The following ABTB3 variants were observed in gnomAD, a reference collection of about 807,000 sequenced individuals.
ABTB3 encodes ankyrin repeat and BTB domain containing 3.
chr12:107,403,696 G>T, the ABTB3 span, among the ~76,000 whole-genome samples: 832 of 152,212 alleles, frequency 5.5e-3, 7 homozygotes, highest in African/African-American at 0.019. Flanking sequence ...AATGGTCAGG[G>T]AACACTTTGC....
At chr12:107,483,984 G>T in the ABTB3 span, among the ~76,000 whole-genome samples, 1 of 152,166 alleles carries the variant, frequency 6.6e-6, no homozygotes, top group Non-Finnish European at 1.5e-5. Flanking sequence ...GAGCCATCAT[G>T]CTCAGCCAGG....
chr12:107,327,297 C>T, the ABTB3 span, among the ~76,000 whole-genome samples: 1 of 152,162 alleles, frequency 6.6e-6, no homozygotes, highest in Non-Finnish European at 1.5e-5. Context: ...CTGTCTTTCT[C>T]TCTAAATTTA....
chr12:107,654,957 GCT>G, the ABTB3 span, among the ~76,000 whole-genome samples: 3 of 149,758 alleles, frequency 2.0e-5, no homozygotes, highest in Non-Finnish European at 3.0e-5. Context: ...AGAAGAGAGG[GCT>G]CTCTCTCTCT....
At chr12:107,379,830 C>A in the ABTB3 span, among the ~76,000 whole-genome samples, 1 of 152,166 alleles carries the variant, frequency 6.6e-6, no homozygotes, top group Non-Finnish European at 1.5e-5. Context: ...TGCCAGGAAG[C>A]CTTAGCTTTG....
At chr12:107,573,449 G>A in the ABTB3 span, among the ~76,000 whole-genome samples, 2 of 151,096 alleles carry the variant, frequency 1.3e-5, no homozygotes, top group Non-Finnish European at 2.9e-5. Flanking sequence ...TGGATGGGTG[G>A]CTGGGTGGAT....
At chr12:107,575,860 T>C in the ABTB3 span, among the ~76,000 whole-genome samples, 1 of 152,178 alleles carries the variant, frequency 6.6e-6, no homozygotes, top group Non-Finnish European at 1.5e-5. Flanking sequence ...GTGGACATCT[T>C]CGGTTAGGGG....
At chr12:107,607,614 A>G in the ABTB3 span, among the ~76,000 whole-genome samples, 11 of 152,186 alleles carry the variant, frequency 7.2e-5, no homozygotes, top group South Asian at 4.1e-4. Context: ...GTCCTGAGAC[A>G]GGTGTGCAGA....
chr12:107,584,852 T>C, the ABTB3 span, among the ~76,000 whole-genome samples: 1 of 152,182 alleles, frequency 6.6e-6, no homozygotes, highest in Admixed American at 6.5e-5. Context: ...TGATCAGGTT[T>C]ATTCAAAAAG....
At chr12:107,530,804 C>G in the ABTB3 span, among the ~76,000 whole-genome samples, 1 of 152,084 alleles carries the variant, frequency 6.6e-6, no homozygotes, top group Non-Finnish European at 1.5e-5. Flanking sequence ...GGGTGCAAAT[C>G]CTTGTGCATG....
the ABTB3 span, among the ~76,000 whole-genome samples, chr12:107,601,858 G>A: frequency 6.6e-6 from 1 of 152,224 alleles, no homozygotes; most frequent in Admixed American, 6.5e-5. Context: ...AATAAAGCAT[G>A]TTAAATAAGA....
chr12:107,535,754 A>C, the ABTB3 span, among the ~76,000 whole-genome samples: 181 of 152,310 alleles, frequency 1.2e-3, no homozygotes, highest in African/African-American at 4.1e-3. Flanking sequence ...CTGATGAAAG[A>C]ATTGAACACA....
At chr12:107,541,038 T>G in the ABTB3 span, among the ~76,000 whole-genome samples, 4 of 152,140 alleles carry the variant, frequency 2.6e-5, no homozygotes, top group Middle Eastern at 3.2e-3. Flanking sequence ...AGAAGGACTT[T>G]AGGGCTGCAT....
At chr12:107,594,113 T>TC in the ABTB3 span, among the ~76,000 whole-genome samples, 1 of 152,208 alleles carries the variant, frequency 6.6e-6, no homozygotes, top group Non-Finnish European at 1.5e-5. Flanking sequence ...TAGAGGTGAC[T>TC]CCTTCTCTGG....
the ABTB3 span, among the ~76,000 whole-genome samples, chr12:107,327,719 C>A: frequency 6.6e-6 from 1 of 152,172 alleles, no homozygotes; most frequent in Non-Finnish European, 1.5e-5. Context: ...GACTTCTAAG[C>A]CAATGTCACA....
the ABTB3 span, among the ~76,000 whole-genome samples, chr12:107,527,005 A>C: frequency 6.6e-6 from 1 of 151,884 alleles, no homozygotes; most frequent in Non-Finnish European, 1.5e-5. Flanking sequence ...AGGCCTTTGC[A>C]CCTGCTGCTC....
the ABTB3 span, among the ~76,000 whole-genome samples, chr12:107,441,155 G>T: frequency 6.6e-6 from 1 of 152,138 alleles, no homozygotes. Context: ...GTGGCCACAC[G>T]CACGCACATA....
At chr12:107,352,149 G>C in the ABTB3 span, among the ~76,000 whole-genome samples, 1 of 152,206 alleles carries the variant, frequency 6.6e-6, no homozygotes, top group Non-Finnish European at 1.5e-5. Context: ...ATGACACTGG[G>C]TGAAGAGGGC....
chr12:107,469,932 C>T, the ABTB3 span, among the ~76,000 whole-genome samples: 411 of 78,764 alleles, frequency 5.2e-3, 16 homozygotes, highest in East Asian at 0.017. Flanking sequence ...CTCTCTCTCT[C>T]TCTTTCTTTC....
At chr12:107,472,819 G>A in the ABTB3 span, among the ~76,000 whole-genome samples, 1 of 152,294 alleles carries the variant, frequency 6.6e-6, no homozygotes, top group Non-Finnish European at 1.5e-5. Context: ...ACAGATTTAA[G>A]CATTGAGGGT....
Sources: allele counts gnomAD v4.1 joint callset (sites outside exome capture counted in the v4.1 genomes callset), GRCh38; gene constraint gnomAD v4.1.1; transcripts MANE v1.5; gene names NCBI Gene and HGNC (gene_info 2026-07-23, HGNC 2026-07-21).